Variants in SLC38A1 observed in about 807,000 individuals in gnomAD.
SLC38A1 encodes the protein sodium-coupled neutral amino acid symporter 1.
Under a neutral mutation model 60.3 loss-of-function variants are expected in SLC38A1, and 18 were observed. That is an observed-to-expected ratio of 0.30 (90% CI 0.21 to 0.44). The LOEUF (loss-of-function observed/expected upper bound fraction) is 0.44. SLC38A1 is among the 20% of genes least tolerant of loss of function. The probability of loss-of-function intolerance (pLI) is 1.00; values close to 1 mark genes in which losing one functional copy is unlikely to be tolerated. For synonymous variants in SLC38A1, 196 were observed against 212.1 expected (o/e 0.92, Z 0.66); for missense variants, 448 against 587.2 (o/e 0.76, Z 2.45).
chr12:46,233,449 A>C (rs1941149645), intron 3 of SLC38A1, among the ~76,000 whole-genome samples: 1 of 152,212 alleles, frequency 6.6e-6, no homozygotes, highest in African/African-American at 2.4e-5. Context: ...ATAGAAAAGC[A>C]AATATTTTCA....
intron 3 of SLC38A1, among the ~76,000 whole-genome samples, chr12:46,236,280 G>A (rs931321803): frequency 6.6e-6 from 1 of 152,174 alleles, no homozygotes; most frequent in Non-Finnish European, 1.5e-5. Flanking sequence ...ACCTTGAGCA[G>A]TAGGATATAA....
intron 5 of SLC38A1, among the ~76,000 whole-genome samples, chr12:46,221,441 C>T (rs1940654849): frequency 6.6e-6 from 1 of 152,122 alleles, no homozygotes; most frequent in South Asian, 2.1e-4. Flanking sequence ...CAATGAGCAG[C>T]CAGTCCCATG....
chr12:46,230,242 A>C (rs1419381503), intron 3 of SLC38A1, among the ~76,000 whole-genome samples: 1 of 152,204 alleles, frequency 6.6e-6, no homozygotes, highest in Non-Finnish European at 1.5e-5. Context: ...TGCTATATGC[A>C]AGTCACTGGA....
At chr12:46,252,699 A>G (rs943944818) in intron 1 of SLC38A1, among the ~76,000 whole-genome samples, 1 of 152,050 alleles carries the variant, frequency 6.6e-6, no homozygotes, top group Non-Finnish European at 1.5e-5. Flanking sequence ...ATATATATAT[A>G]TAATTGTTGT....
At chr12:46,201,856 G>A (rs1006040696) in intron 12 of SLC38A1, among the ~76,000 whole-genome samples, 1 of 149,482 alleles carries the variant, frequency 6.7e-6, no homozygotes, top group African/African-American at 2.5e-5. Context: ...ATTTGGTTAT[G>A]TCAAGGAATC....
chr12:46,231,624 T>C (rs1054749476), intron 3 of SLC38A1, among the ~76,000 whole-genome samples: 6 of 152,204 alleles, frequency 3.9e-5, no homozygotes, highest in Non-Finnish European at 7.4e-5. Context: ...AATGAAGCAA[T>C]GATGCATGCC....
At chr12:46,236,290 A>T (rs762142041) in intron 3 of SLC38A1, among the ~76,000 whole-genome samples, 7 of 152,196 alleles carry the variant, frequency 4.6e-5, no homozygotes, top group Non-Finnish European at 8.8e-5. Context: ...GTAGGATATA[A>T]ATAAGTCCCA....
intron 5 of SLC38A1, among the ~76,000 whole-genome samples, chr12:46,217,094 G>A (rs1397902064): frequency 1.3e-5 from 2 of 152,114 alleles, no homozygotes; most frequent in Non-Finnish European, 2.9e-5. Flanking sequence ...AGTACCAAAT[G>A]TTGGGGTATT....
At chr12:46,263,632 A>G (rs1942265109) in intron 1 of SLC38A1, among the ~76,000 whole-genome samples, 1 of 151,778 alleles carries the variant, frequency 6.6e-6, no homozygotes, top group Non-Finnish European at 1.5e-5. Flanking sequence ...TTTCTCCTAT[A>G]CCTTGGTCCA....
intron 1 of SLC38A1, among the ~76,000 whole-genome samples, chr12:46,256,351 T>G (rs1399797416): frequency 1.3e-5 from 2 of 152,116 alleles, no homozygotes; most frequent in Non-Finnish European, 2.9e-5. Context: ...TTTTTACTTA[T>G]GTGACAAAAT....
chr12:46,252,160 A>T (rs1286535697), intron 1 of SLC38A1, among the ~76,000 whole-genome samples: 1 of 152,190 alleles, frequency 6.6e-6, no homozygotes, highest in Non-Finnish European at 1.5e-5. Context: ...ATGCAGCCAT[A>T]AAAAAGGATG....
rs755928296 is a variant in SLC38A1, at chr12:46,202,998, C to T, written c.902+12G>A. On this transcript the variant is annotated intron_variant, in intron 12 of 16. Coordinates refer to ENST00000398637, the MANE Select transcript of SLC38A1 (RefSeq NM_030674.4). ...AAAACGATTAAGATAAAAAATTAAACAAATTTCTTACTCTTTAAGCTCACT... is the reference window on the plus strand; with the variant it reads ...AAAACGATTAAGATAAAAAATTAAATAAATTTCTTACTCTTTAAGCTCACT... 4 of 1,604,806 alleles carry T rather than the reference C, an allele frequency of 2.5e-6. No individual in the cohort carries two copies. The highest frequency in any genetic ancestry group is 1.3e-5 in the African/African-American group (1 of 74,716).
chr12:46,255,191 C>A (rs1941980089), intron 1 of SLC38A1, among the ~76,000 whole-genome samples: 1 of 152,102 alleles, frequency 6.6e-6, no homozygotes, highest in Admixed American at 6.5e-5. Flanking sequence ...AGGATTAAAA[C>A]AAGAAAACGA....
At chr12:46,220,075 CAAT>C (rs1940596715) in intron 5 of SLC38A1, among the ~76,000 whole-genome samples, 1 of 152,234 alleles carries the variant, frequency 6.6e-6, no homozygotes, top group South Asian at 2.1e-4. Context: ...CTTCTAAAAA[CAAT>C]GAGTGGGACT....
chr12:46,234,495 C>T (rs1172118369), intron 3 of SLC38A1, among the ~76,000 whole-genome samples: 5 of 150,096 alleles, frequency 3.3e-5, no homozygotes, highest in African/African-American at 9.9e-5. Flanking sequence ...TCGCCCAGGC[C>T]GGACTGCAGT....
intron 1 of SLC38A1, among the ~76,000 whole-genome samples, chr12:46,246,234 G>A (rs1044687512): frequency 2.6e-5 from 4 of 152,202 alleles, no homozygotes; most frequent in Non-Finnish European, 4.4e-5. Context: ...AAGGGGTCTG[G>A]GAATTTCCCT....
Position 46,226,507 on chromosome 12 carries a change from A to G in SLC38A1, c.314+2646T>C, listed in dbSNP as rs186553070. On this transcript the variant is annotated intron_variant, in intron 5 of 16. Transcript: ENST00000398637. ...CGTTATAGAAATGAAAATAAAGGAA[A>G]GATTAAAAAAATTAGAGGACTAGTC... Among the ~76,000 whole-genome samples the G allele has an allele frequency of 4.3e-3, 654 of 152,270 alleles. 4 individuals are homozygous for G. The highest frequency in any genetic ancestry group is 0.015 in the African/African-American group (629 of 41,556).
At chr12:46,249,155 C>CA (rs59948188) in intron 1 of SLC38A1, among the ~76,000 whole-genome samples, 4,325 of 46,246 alleles carry the variant, frequency 0.094, 239 homozygotes, top group East Asian at 0.28. Context: ...GACTCCGCCT[C>CA]AAAAAAAAAA....
At chr12:46,190,335 T>C (rs1368453139) in intron 16 of SLC38A1, among the ~76,000 whole-genome samples, 1 of 152,226 alleles carries the variant, frequency 6.6e-6, no homozygotes, top group African/African-American at 2.4e-5. Context: ...ATCCAGTCTA[T>C]CATTGATGGA....
Sources: gnomAD v4.1 joint callset for allele counts (sites outside exome capture counted in the v4.1 genomes callset) on GRCh38, gnomAD v4.1.1 for gene constraint, MANE v1.5 for transcripts, NCBI Gene and HGNC (gene_info 2026-07-23, HGNC 2026-07-21) for gene names.